The following C1orf21 variants were observed in gnomAD, a reference collection of about 807,000 sequenced individuals.
C1orf21 encodes chromosome 1 open reading frame 21.
A neutral mutation model predicts 18.7 loss-of-function variants in C1orf21; 3 were observed. The ratio of observed to expected loss-of-function variants is 0.16; its 90% CI spans 0.07 to 0.42. The LOEUF (loss-of-function observed/expected upper bound fraction) is 0.42. Among genes scored for constraint, C1orf21 ranks in the 10% least tolerant of loss-of-function variants. C1orf21 has a pLI of 0.99. For missense variants in C1orf21, 104 were observed against 143.6 expected (o/e 0.72, Z 1.41); for synonymous variants, 41 against 46.4 (o/e 0.88, Z 0.47).
At chr1:184,531,305 ACT>A (rs1658459469) in intron 3 of C1orf21, among the ~76,000 whole-genome samples, 1 of 151,794 alleles carries the variant, frequency 6.6e-6, no homozygotes, top group African/African-American at 2.4e-5. Flanking sequence ...ACATCTCTAC[ACT>A]CTATTTTCTA....
intron 1 of C1orf21, among the ~76,000 whole-genome samples, chr1:184,405,334 T>C (rs1197705593): frequency 6.6e-6 from 1 of 152,076 alleles, no homozygotes; most frequent in African/African-American, 2.4e-5. Flanking sequence ...TAGCTTGGAC[T>C]TCAGGAGTGT....
chr1:184,549,178 C>T lies in C1orf21; in HGVS notation c.189+41496C>T, dbSNP rs146617231. On this transcript the variant is annotated intron_variant, in intron 3 of 5. Transcript: ENST00000235307. Reference sequence around the variant, plus strand: ...CCTGCTCAGTCTCCTAGCCGTGGAACTTTAGAATAGCAACATCTGAGACTC... The same window carrying T: ...CCTGCTCAGTCTCCTAGCCGTGGAATTTTAGAATAGCAACATCTGAGACTC... Among the ~76,000 whole-genome samples the T allele has an allele frequency of 7.5e-3, 1,148 of 152,220 alleles. 6 individuals are homozygous for T. The highest frequency in any genetic ancestry group is 0.02 in the Middle Eastern group (6 of 294).
intron 4 of C1orf21, among the ~76,000 whole-genome samples, chr1:184,591,183 G>A (rs955608343): frequency 2.6e-5 from 4 of 152,178 alleles, no homozygotes; most frequent in Admixed American, 6.5e-5. Flanking sequence ...AGGAACAACT[G>A]CATTGTTTTT....
chr1:184,451,461 AATTT>A (rs1401949324), intron 1 of C1orf21, among the ~76,000 whole-genome samples: 62 of 135,984 alleles, frequency 4.6e-4, no homozygotes, highest in African/African-American at 1.7e-3. Context: ...TGGCTAATTT[AATTT>A]TTTTTTTTTT....
At chr1:184,524,645 C>T (rs2101970620) in intron 3 of C1orf21, among the ~76,000 whole-genome samples, 1 of 151,812 alleles carries the variant, frequency 6.6e-6, no homozygotes, top group East Asian at 1.9e-4. Flanking sequence ...TTTTTAATGA[C>T]TTTGAAGTAT....
At chr1:184,527,343 A>G (rs1329441764) in intron 3 of C1orf21, among the ~76,000 whole-genome samples, 2 of 152,224 alleles carry the variant, frequency 1.3e-5, no homozygotes, top group South Asian at 2.1e-4. Flanking sequence ...TGAAATTCAT[A>G]GTCTGGAAGA....
At chr1:184,388,524 C>G (rs568595169) in intron 1 of C1orf21, among the ~76,000 whole-genome samples, 2 of 152,148 alleles carry the variant, frequency 1.3e-5, no homozygotes, top group Non-Finnish European at 2.9e-5. Flanking sequence ...AAGTGATACA[C>G]CCTGGGCACC....
At chr1:184,501,129 G>A (rs898373586) in intron 2 of C1orf21, among the ~76,000 whole-genome samples, 2 of 152,204 alleles carry the variant, frequency 1.3e-5, no homozygotes, top group African/African-American at 4.8e-5. Flanking sequence ...CCAGAGGAAA[G>A]AGGCTTAGCC....
At chr1:184,463,100 AAAG>A (rs1332140278) in intron 1 of C1orf21, among the ~76,000 whole-genome samples, 23 of 151,214 alleles carry the variant, frequency 1.5e-4, no homozygotes, top group Admixed American at 2.0e-4. Context: ...AAAAAAAAAA[AAAG>A]AAGAAGAAGA....
chr1:184,484,921 T>TGA (rs1491515352), intron 2 of C1orf21, among the ~76,000 whole-genome samples: 1 of 148,028 alleles, frequency 6.8e-6, no homozygotes, highest in Non-Finnish European at 1.5e-5. Context: ...TGTGTGTGTG[T>TGA]GATGGTGTTA....
rs990410880 is a variant in C1orf21, at chr1:184,625,266, C to G, written c.*5710C>G. On this transcript the variant is annotated 3_prime_UTR_variant, in exon 6 of 6. Coordinates refer to ENST00000235307, the MANE Select transcript of C1orf21 (RefSeq NM_030806.4). ...CTTAGGCAGAGGTCCCTTAGGGTCTCTAGAGTTGAAAATAATTCTACAGCC... is the reference window on the plus strand; with the variant it reads ...CTTAGGCAGAGGTCCCTTAGGGTCTGTAGAGTTGAAAATAATTCTACAGCC... The G allele has an allele frequency of 6.6e-6, 1 of 152,360 alleles. No homozygotes were observed. The highest frequency in any genetic ancestry group is 1.5e-5 in the Non-Finnish European group (1 of 68,024). 9.4% of individuals were successfully genotyped at this position (152,360 alleles called of 1,614,324 possible).
chr1:184,551,598 C>T (rs1281234508), intron 3 of C1orf21, among the ~76,000 whole-genome samples: 3 of 152,182 alleles, frequency 2.0e-5, no homozygotes, highest in Non-Finnish European at 2.9e-5. Context: ...AGTTTTGTTA[C>T]ATCAGCTGTG....
intron 2 of C1orf21, among the ~76,000 whole-genome samples, chr1:184,488,977 AG>A (rs2101955094): frequency 1.3e-5 from 2 of 152,298 alleles, no homozygotes; most frequent in Admixed American, 6.5e-5. Context: ...GAAAAAGAAA[AG>A]AAAAGAAACT....
chr1:184,560,055 G>T (rs1010760932), intron 3 of C1orf21, among the ~76,000 whole-genome samples: 1 of 152,028 alleles, frequency 6.6e-6, no homozygotes, highest in South Asian at 2.1e-4. Flanking sequence ...CCCAGCCCTC[G>T]GGTTTCTCCT....
intron 3 of C1orf21, among the ~76,000 whole-genome samples, chr1:184,546,680 GA>G (rs1658732288): frequency 1.3e-5 from 2 of 152,180 alleles, no homozygotes; most frequent in Admixed American, 1.3e-4. Flanking sequence ...TCAATGATAT[GA>G]TATGCATGCC....
At chr1:184,586,278 T>C (rs1659350501) in intron 3 of C1orf21, among the ~76,000 whole-genome samples, 1 of 145,082 alleles carries the variant, frequency 6.9e-6, no homozygotes, top group Non-Finnish European at 1.5e-5. Context: ...TTCATGTCTT[T>C]TGTCCACTTT....
intron 3 of C1orf21, among the ~76,000 whole-genome samples, chr1:184,519,195 G>C (rs187742189): frequency 6.6e-6 from 1 of 152,278 alleles, no homozygotes; most frequent in East Asian, 1.9e-4. Context: ...TATAAAATGT[G>C]ATTGCTTTTA....
intron 2 of C1orf21, among the ~76,000 whole-genome samples, chr1:184,487,548 G>A (rs1201965059): frequency 6.6e-6 from 1 of 152,192 alleles, no homozygotes; most frequent in Non-Finnish European, 1.5e-5. Context: ...ATAACACATT[G>A]ATATTAAGTC....
At chr1:184,493,209 A>T (rs1399329000) in intron 2 of C1orf21, among the ~76,000 whole-genome samples, 1 of 152,230 alleles carries the variant, frequency 6.6e-6, no homozygotes, top group Non-Finnish European at 1.5e-5. Flanking sequence ...GAACAGCCAT[A>T]GCTGGGGAAG....
Sources: gnomAD v4.1 joint callset for allele counts (sites outside exome capture counted in the v4.1 genomes callset) on GRCh38, gnomAD v4.1.1 for gene constraint, MANE v1.5 for transcripts, NCBI Gene and HGNC (gene_info 2026-07-23, HGNC 2026-07-21) for gene names.